Variants in ANGPT1 observed in about 807,000 individuals in gnomAD.
ANGPT1 encodes angiopoietin 1, also known as angiopoietin-1.
Under a neutral mutation model 62.2 loss-of-function variants are expected in ANGPT1, and 17 were observed. That is an observed-to-expected ratio of 0.27 (90% CI 0.19 to 0.41). ANGPT1 has a LOEUF of 0.41. Among genes scored for constraint, ANGPT1 ranks in the 10% least tolerant of loss-of-function variants. The pLI, the probability that ANGPT1 is intolerant of heterozygous loss-of-function variation, is 1.00. For missense variants in ANGPT1, 478 were observed against 594.9 expected, an observed-to-expected ratio of 0.80 and a Z score of 2.04; for synonymous variants, 199 against 198.9, an observed-to-expected ratio of 1.00 and a Z score of 0.00.
intron 1 of ANGPT1, among the ~76,000 whole-genome samples, chr8:107,496,365 G>A (rs1272295627): frequency 6.6e-6 from 1 of 152,124 alleles, no homozygotes; most frequent in African/African-American, 2.4e-5. Flanking sequence ...AACTTAAATG[G>A]TTTGTAGATA....
At chr8:107,347,151 C>A (rs1397928082) in intron 1 of ANGPT1, 54 bp from the exon 2 acceptor site, 9 of 1,531,386 alleles carry the variant, frequency 5.9e-6, no homozygotes, top group South Asian at 2.4e-5. Flanking sequence ...CCTCCCAGTT[C>A]GGGCATGTAA....
chr8:107,257,754 G>A (rs780539524), intron 8 of ANGPT1, among the ~76,000 whole-genome samples: 22 of 151,956 alleles, frequency 1.4e-4, no homozygotes, highest in Non-Finnish European at 2.8e-4. Flanking sequence ...TTGGCCCTAC[G>A]CAAAGCAAGC....
intron 8 of ANGPT1, among the ~76,000 whole-genome samples, chr8:107,262,814 A>G (rs1449749352): frequency 6.6e-6 from 1 of 152,202 alleles, no homozygotes; most frequent in Non-Finnish European, 1.5e-5. Flanking sequence ...CTTTCCTGCC[A>G]GAGCCTATAA....
At chr8:107,484,495 G>A (rs1276236520) in intron 1 of ANGPT1, among the ~76,000 whole-genome samples, 4 of 152,018 alleles carry the variant, frequency 2.6e-5, no homozygotes, top group Non-Finnish European at 5.9e-5. Flanking sequence ...TCGACCTCCC[G>A]GGCTCAAATG....
chr8:107,282,486 G>A (rs1034803638), intron 7 of ANGPT1, among the ~76,000 whole-genome samples: 1 of 144,354 alleles, frequency 6.9e-6, no homozygotes, highest in Non-Finnish European at 1.5e-5. Flanking sequence ...GCATGTGTGT[G>A]AGGCTTGAAG....
At chr8:107,390,490 A>G (rs982493384) in intron 1 of ANGPT1, among the ~76,000 whole-genome samples, 13 of 152,258 alleles carry the variant, frequency 8.5e-5, no homozygotes, top group African/African-American at 3.1e-4. Context: ...AAGCTAATGA[A>G]ATAGTTGATA....
chr8:107,284,894 C>G (rs28471992), intron 6 of ANGPT1, 46 bp from the exon 7 acceptor site: 1 of 1,360,722 alleles, frequency 7.3e-7, no homozygotes, highest in African/African-American at 1.5e-5. Context: ...GAGAGGAATT[C>G]TTTTCATGTT....
chr8:107,284,907 G>C, intron 6 of ANGPT1, 59 bp from the exon 7 acceptor site: 6 of 1,253,002 alleles, frequency 4.8e-6, no homozygotes, highest in Non-Finnish European at 6.3e-6. Flanking sequence ...TTCATGTTCA[G>C]CATTTAACTA....
At chr8:107,398,082 T>C (rs572322408) in intron 1 of ANGPT1, among the ~76,000 whole-genome samples, 2 of 152,296 alleles carry the variant, frequency 1.3e-5, no homozygotes, top group Admixed American at 1.3e-4. Flanking sequence ...GAGGGTATTA[T>C]GGGAGGGATA....
intron 4 of ANGPT1, among the ~76,000 whole-genome samples, chr8:107,305,019 T>G (rs1814681062): frequency 6.6e-6 from 1 of 152,050 alleles, no homozygotes; most frequent in Non-Finnish European, 1.5e-5. Context: ...ACTGAGGATG[T>G]CAATGGATTA....
intron 1 of ANGPT1, among the ~76,000 whole-genome samples, chr8:107,478,060 C>A: frequency 7.7e-6 from 1 of 130,194 alleles, no homozygotes. Flanking sequence ...AAATATTTCT[C>A]CTGTTTTTTT....
rs1384901926 is a variant in ANGPT1 at position 107,497,305 on chromosome 8, T to C, written c.254A>G (p.His85Arg). 6.2e-7 allele frequency: 1 copy of C among 1,614,208 alleles called. No individual in the cohort carries two copies. The highest frequency in any genetic ancestry group is 1.1e-5 in the South Asian group (1 of 91,080). The stretch of plus-strand genomic sequence containing the variant: ...ATAATTTTCCATCACATGTTCCAGA[T>C]GTTGAAGTTTCTGGGAAGAGAAATC... ...EPDFSSQKLQ[H>R]LEHVMENYTQ... Residue 85 changes from histidine to arginine, a missense_variant, in exon 1 of 9, where the codon CAT becomes CGT. This residue lies in a region of ANGPT1 where 343 missense variants were observed against 355.4 expected (regional missense o/e 0.97). Transcript: ENST00000517746.
chr8:107,374,515 A>C (rs1816487091), intron 1 of ANGPT1, among the ~76,000 whole-genome samples: 1 of 152,154 alleles, frequency 6.6e-6, no homozygotes, highest in Admixed American at 6.5e-5. Context: ...GGGGGACGAA[A>C]TCCAATTCAC....
At chr8:107,297,789 A>T (rs190161483) in intron 5 of ANGPT1, among the ~76,000 whole-genome samples, 1 of 151,194 alleles carries the variant, frequency 6.6e-6, no homozygotes, top group Non-Finnish European at 1.5e-5. Context: ...ACGCATACAT[A>T]TATCTATATT....
chr8:107,350,355 T>C (rs1815905892), intron 1 of ANGPT1, among the ~76,000 whole-genome samples: 1 of 152,136 alleles, frequency 6.6e-6, no homozygotes, highest in African/African-American at 2.4e-5. Context: ...ATCAATTTCT[T>C]ATGCAGTTGG....
chr8:107,321,885 G>A lies in ANGPT1; in HGVS notation c.808+11C>T. ...ATATTAACAATACCAAAGTGAGGAAGACATTCTTACCACCTTCTTTAGTGC... is the reference window on the plus strand; with the variant it reads ...ATATTAACAATACCAAAGTGAGGAAAACATTCTTACCACCTTCTTTAGTGC... On this transcript the variant is annotated intron_variant, in intron 4 of 8. Transcript: ENST00000517746. The A allele has an allele frequency of 1.2e-6, 2 of 1,608,200 alleles. No individual in the cohort carries two copies. Among genetic ancestry groups the A allele is most frequent in the Non-Finnish European group, 1.7e-6 (2 of 1,175,000 alleles).
intron 1 of ANGPT1, among the ~76,000 whole-genome samples, chr8:107,440,306 C>T (rs1811441425): frequency 6.6e-6 from 1 of 151,620 alleles, no homozygotes; most frequent in African/African-American, 2.4e-5. Flanking sequence ...TCTACATTCC[C>T]TCTGGGGGTT....
intron 1 of ANGPT1, among the ~76,000 whole-genome samples, chr8:107,440,247 A>G (rs1378477383): frequency 6.6e-6 from 1 of 152,242 alleles, no homozygotes; most frequent in Non-Finnish European, 1.5e-5. Context: ...TGCAAACCAC[A>G]GAAGATGATT....
intron 1 of ANGPT1, among the ~76,000 whole-genome samples, chr8:107,444,225 G>C (rs1007854730): frequency 6.6e-6 from 1 of 152,154 alleles, no homozygotes; most frequent in African/African-American, 2.4e-5. Context: ...AACACTGGGA[G>C]TTCTAAAAGT....
Sources: gnomAD v4.1 joint callset for allele counts (sites outside exome capture counted in the v4.1 genomes callset) on GRCh38, gnomAD v4.1.1 for gene constraint, gnomAD v4.1.1 regional missense constraint, MANE v1.5 for transcripts, NCBI Gene and HGNC (gene_info 2026-07-23, HGNC 2026-07-21) for gene names.